Variants in TMEM216 observed in about 807,000 individuals in gnomAD.
TMEM216 encodes the protein cerebello-oculo-renal syndrome 2.
A neutral mutation model predicts 17.8 loss-of-function variants in TMEM216; 15 were observed. The observed-to-expected ratio is 0.84, with a 90% CI of 0.56 to 1.30. The LOEUF (loss-of-function observed/expected upper bound fraction) is 1.30, where lower values mean the gene tolerates loss of function less well. TMEM216 is among the 50% of genes most tolerant of loss of function. The pLI, the probability that TMEM216 is intolerant of heterozygous loss-of-function variation, is 0.00. For missense variants in TMEM216, 160 were observed against 175.7 expected (o/e 0.91, Z 0.51); for synonymous variants, 58 against 73.5 (o/e 0.79, Z 1.08).
Position 61,397,832 on chromosome 11 carries a change from C to T in TMEM216, c.288C>T (p.Thr96=). The T allele has an allele frequency of 6.2e-7, 1 of 1,613,986 alleles. No homozygotes were observed. Among genetic ancestry groups the T allele is most frequent in the Non-Finnish European group, 8.5e-7 (1 of 1,179,902 alleles). ...CGCTCAGTATTAGCGTGGCCTTGACCTTCCCATCTGCCATGATGGCCTCCT... is the reference window on the plus strand; with the variant it reads ...CGCTCAGTATTAGCGTGGCCTTGACTTTCCCATCTGCCATGATGGCCTCCT... ...KMPLSISVAL[T]FPSAMMASYY... Residue 96 remains threonine, a synonymous_variant, in exon 4 of 5, where the codon ACC becomes ACT. Coordinates refer to ENST00000515837, the MANE Select transcript of TMEM216 (RefSeq NM_001173990.3).
In TMEM216 at chr11:61,393,922, GA is replaced by G; in HGVS notation, c.176del (p.Asp59ValfsTer3). Reference protein sequence around the residue: ...LPYPTANLVLDVVMLLLYLGI... With the variant: ...LPYPTANLVLXVVMLLLYLGI... ...ATATCCAACAGCTAACCTAGTACTG[GA>G]TGTGGTGATGCTCCTCCTTTATCTT... On this transcript the variant is annotated frameshift_variant, in exon 3 of 5. Coordinates refer to ENST00000515837, the MANE Select transcript of TMEM216 (RefSeq NM_001173990.3). LOFTEE classifies it high-confidence loss of function. The G allele has an allele frequency of 6.2e-7, 1 of 1,613,962 alleles. No individual in the cohort carries two copies. The highest frequency in any genetic ancestry group is 8.5e-7 in the Non-Finnish European group (1 of 1,179,878).
chr11:61,396,859 A>G (rs1858810199), intron 3 of TMEM216, among the ~76,000 whole-genome samples: 1 of 150,778 alleles, frequency 6.6e-6, no homozygotes, highest in African/African-American at 2.4e-5. Context: ...CCTTCAGCCC[A>G]GGGGTTCGAG....
At chr11:61,394,072 C>T (rs778950577) in intron 3 of TMEM216, 96 bp downstream of exon 3, 93 of 1,118,596 alleles carry the variant, frequency 8.3e-5, no homozygotes, top group Non-Finnish European at 1.2e-4. Flanking sequence ...GGTTGACTAT[C>T]ATAGACTGGA....
chr11:61,393,044 G>T, intron 1 of TMEM216, 187 bp from the exon 2 acceptor site: 1 of 444,522 alleles, frequency 2.2e-6, no homozygotes, highest in Non-Finnish European at 3.0e-6. Flanking sequence ...TCCTAGGAAA[G>T]GAGGGAAGCC....
At chr11:61,394,437 C>A in intron 3 of TMEM216, 1 of 153,576 alleles carries the variant, frequency 6.5e-6, no homozygotes, top group South Asian at 2.0e-4. Flanking sequence ...GGCACGATCT[C>A]GGATCACTGC....
At chr11:61,395,497 T>G (rs1008693340) in intron 3 of TMEM216, among the ~76,000 whole-genome samples, 23 of 152,060 alleles carry the variant, frequency 1.5e-4, no homozygotes, top group Admixed American at 1.4e-3. Context: ...CCCAGCACTT[T>G]GGGAGGCCGA....
In TMEM216 at chr11:61,393,960, A is replaced by G. The variant is rs1590642429; in HGVS notation, c.213A>G (p.Val71=). The G allele has an allele frequency of 6.2e-7, 1 of 1,613,968 alleles. No individual in the cohort carries two copies. The highest frequency in any genetic ancestry group is 8.5e-7 in the Non-Finnish European group (1 of 1,179,856). ...TCCTCCTTTATCTTGGAATTGAAGT[A>G]ATTCGCCTGTTTTTTGGTAAGTGTT... ...VMLLLYLGIE[V]IRLFFGTKGN... is the part of the protein sequence containing the mutation. Residue 71 remains valine, a synonymous_variant, in exon 3 of 5, where the codon GTA becomes GTG. Coordinates refer to ENST00000515837, the MANE Select transcript of TMEM216 (RefSeq NM_001173990.3).
At position 61,398,662 on chromosome 11, in the gene TMEM216, T is replaced by C. The variant is rs1463681193; in HGVS notation, c.*386T>C. 1.9e-5 allele frequency: 4 copies of C among 214,186 alleles called. No individual in the cohort carries two copies. Among genetic ancestry groups the C allele is most frequent in the Non-Finnish European group, 3.7e-5 (4 of 108,132 alleles). The allele number at this position is 214,186 out of a possible 1,614,324, so 13.3% of individuals were successfully genotyped here. ...AGCCACATGCTCCCTGTACGAGCTG[T>C]GCTATACCTGTCCCACATGAGCACG... is the stretch of plus-strand genomic sequence containing the variant. On this transcript the variant is annotated 3_prime_UTR_variant, in exon 5 of 5. Coordinates refer to ENST00000515837, the MANE Select transcript of TMEM216 (RefSeq NM_001173990.3).
At position 61,398,375 on chromosome 11, in the gene TMEM216, T is replaced by C. The variant is rs1858849461; in HGVS notation, c.*99T>C. 1 of 1,326,598 alleles carries C rather than the reference T, an allele frequency of 7.5e-7. No homozygotes were observed. The highest frequency in any genetic ancestry group is 1.4e-5 in the African/African-American group (1 of 70,194). 82.2% of individuals were successfully genotyped at this position (1,326,598 alleles called of 1,614,324 possible). Reference sequence around the variant, plus strand: ...TGAGAATTGGTGGGGCAAGTTGTCCTGAGAAAGGCTGTGTGGCTTTTCTTC... The same window carrying C: ...TGAGAATTGGTGGGGCAAGTTGTCCCGAGAAAGGCTGTGTGGCTTTTCTTC... On this transcript the variant is annotated 3_prime_UTR_variant, in exon 5 of 5. Transcript: ENST00000515837.
At chr11:61,397,269 C>T (rs2135195350) in intron 3 of TMEM216, among the ~76,000 whole-genome samples, 1 of 151,866 alleles carries the variant, frequency 6.6e-6, no homozygotes, top group East Asian at 1.9e-4. Flanking sequence ...CGGGTTCACA[C>T]CATTCTCCTG....
At position 61,393,869 on chromosome 11, in the gene TMEM216, C is replaced by T. The variant is rs774681400; in HGVS notation, c.137-15C>T. ...GTTATATGCTGTTTGCAAACTCTGG[C>T]TTTTGTATTGGCAGGTGTCCTGCTA... is the stretch of plus-strand genomic sequence containing the variant. On this transcript the variant is annotated splice_polypyrimidine_tract_variant and intron_variant, in intron 2 of 4. Transcript: ENST00000515837. 6.2e-7 allele frequency: 1 copy of T among 1,610,828 alleles called. No individual in the cohort carries two copies. The highest frequency in any genetic ancestry group is 8.5e-7 in the Non-Finnish European group (1 of 1,177,592).
At chr11:61,397,315 C>T (rs889343607) in intron 3 of TMEM216, among the ~76,000 whole-genome samples, 7 of 151,660 alleles carry the variant, frequency 4.6e-5, no homozygotes, top group African/African-American at 1.5e-4. Context: ...TACAGGCGCC[C>T]GCCACCACGC....
chr11:61,396,849 C>T (rs1260227341), intron 3 of TMEM216, among the ~76,000 whole-genome samples: 2 of 150,308 alleles, frequency 1.3e-5, no homozygotes, highest in Non-Finnish European at 3.0e-5. Flanking sequence ...TGGGAAGATC[C>T]CTTCAGCCCA....
intron 4 of TMEM216, 143 bp downstream of exon 4, chr11:61,398,118 C>A: frequency 7.2e-7 from 1 of 1,388,862 alleles, no homozygotes; most frequent in South Asian, 1.2e-5. Context: ...ATTGCCTTTC[C>A]TGTTTAGGGT....
intron 3 of TMEM216, among the ~76,000 whole-genome samples, chr11:61,395,993 G>GT (rs1291837760): frequency 6.6e-6 from 1 of 151,980 alleles, no homozygotes; most frequent in African/African-American, 2.4e-5. Flanking sequence ...ATGTTTTACT[G>GT]TTAGCCCCAA....
chr11:61,392,841 G>T (rs1020732268), intron 1 of TMEM216, 176 bp downstream of exon 1: 1 of 985,302 alleles, frequency 1.0e-6, no homozygotes, highest in African/African-American at 1.7e-5. Context: ...AAGGTCTCAA[G>T]GTGCACAGCT....
chr11:61,393,153 A>C (rs1590641647), intron 1 of TMEM216, 78 bp from the exon 2 acceptor site: 6 of 1,091,218 alleles, frequency 5.5e-6, no homozygotes, highest in Non-Finnish European at 7.5e-6. Context: ...TAGTTTCCCC[A>C]AAGTTAGACA....
intron 3 of TMEM216, among the ~76,000 whole-genome samples, chr11:61,397,314 C>G (rs1248057657): frequency 6.6e-6 from 1 of 151,694 alleles, no homozygotes; most frequent in African/African-American, 2.4e-5. Flanking sequence ...CTACAGGCGC[C>G]CGCCACCACG....
In TMEM216 at chr11:61,397,189, C is replaced by T. The variant is rs548738635; in HGVS notation, c.230-585C>T. Reference sequence around the variant, plus strand: ...TTGAAATTTTTTTTTTTTTTTGAGACGGAGTCTTGCTTTGTTCCCCAGGCT... The same window carrying T: ...TTGAAATTTTTTTTTTTTTTTGAGATGGAGTCTTGCTTTGTTCCCCAGGCT... On this transcript the variant is annotated intron_variant, in intron 3 of 4. Transcript: ENST00000515837. 2.6e-4 allele frequency among the ~76,000 whole-genome samples: 38 copies of T among 147,806 alleles called. No individual in the cohort carries two copies. The East Asian group carries it at 5.7e-3, about 22-fold the overall frequency.
Sources: allele counts gnomAD v4.1 joint callset (sites outside exome capture counted in the v4.1 genomes callset), GRCh38; gene constraint gnomAD v4.1.1; transcripts MANE v1.5; gene names NCBI Gene and HGNC (gene_info 2026-07-23, HGNC 2026-07-21).